Variants in CREB5 observed in about 807,000 individuals in gnomAD.
CREB5 encodes the protein cAMP responsive element binding protein 5, also known as cyclic AMP-responsive element-binding protein 5.
A neutral mutation model predicts 57.1 loss-of-function variants in CREB5; 19 were observed. The observed-to-expected ratio is 0.33, with a 90% confidence interval of 0.23 to 0.49. The LOEUF is 0.49. CREB5 is among the 20% of genes least tolerant of loss of function. The pLI, the probability that CREB5 is intolerant of heterozygous loss-of-function variation, is 0.99. For synonymous variants in CREB5, 238 were observed against 238.3 expected, an observed-to-expected ratio of 1.00 and a Z score of 0.01; for missense variants, 579 against 671.6, an observed-to-expected ratio of 0.86 and a Z score of 1.52.
At chr7:28,807,888 G>A (rs1050530826) in intron 8 of CREB5, among the ~76,000 whole-genome samples, 6 of 152,136 alleles carry the variant, frequency 3.9e-5, no homozygotes, top group African/African-American at 7.2e-5. Context: ...AAAAGAGTCA[G>A]GTGTAGAAAT....
At chr7:28,694,164 A>C (rs780908212) in intron 5 of CREB5, among the ~76,000 whole-genome samples, 9 of 152,160 alleles carry the variant, frequency 5.9e-5, no homozygotes, top group Non-Finnish European at 1.3e-4. Flanking sequence ...TTTATCTAAC[A>C]CTTCCGTCAG....
At chr7:28,603,482 A>T (rs1423250562) in intron 5 of CREB5, among the ~76,000 whole-genome samples, 1 of 152,162 alleles carries the variant, frequency 6.6e-6, no homozygotes, top group Non-Finnish European at 1.5e-5. Flanking sequence ...CCAGCTCCCC[A>T]TCACTATTCC....
intron 1 of CREB5, among the ~76,000 whole-genome samples, chr7:28,425,332 C>T (rs1788460831): frequency 6.6e-6 from 1 of 151,794 alleles, no homozygotes; most frequent in Non-Finnish European, 1.5e-5. Context: ...GAAAAGGAAT[C>T]CAGCCATAAA....
intron 5 of CREB5, among the ~76,000 whole-genome samples, chr7:28,618,500 C>G (rs953179791): frequency 7.2e-5 from 11 of 152,168 alleles, no homozygotes; most frequent in Non-Finnish European, 5.9e-5. Flanking sequence ...CCATAGGCTC[C>G]CCTGAGTAGC....
At chr7:28,661,436 CT>C (rs1799608135) in intron 5 of CREB5, among the ~76,000 whole-genome samples, 2 of 151,698 alleles carry the variant, frequency 1.3e-5, no homozygotes, top group African/African-American at 2.4e-5. Context: ...CTCCCCACCC[CT>C]CTGGCTCCCT....
In CREB5 at chr7:28,487,173, C is replaced by T. The variant is rs546447267; in HGVS notation, c.4-1002C>T. ...CTGGGATTACAGGTGTGCACCACCA[C>T]GCCCGGCTAATTTTTGTATTTTGGG... On this transcript the variant is annotated intron_variant, in intron 1 of 10. Coordinates refer to ENST00000357727, the MANE Select transcript of CREB5 (RefSeq NM_182898.4). 3.9e-5 allele frequency among the ~76,000 whole-genome samples: 6 copies of T among 152,160 alleles called. No homozygotes were observed. The East Asian group carries it at 9.7e-4, about 25-fold the overall frequency.
chr7:28,658,981 G>GTGTATATA (rs1799477666), intron 5 of CREB5, among the ~76,000 whole-genome samples: 1 of 90,090 alleles, frequency 1.1e-5, no homozygotes, highest in African/African-American at 3.8e-5. Context: ...ATATATATAT[G>GTGTATATA]TATATATAAG....
chr7:28,579,067 C>T (rs1158600905), intron 5 of CREB5, among the ~76,000 whole-genome samples: 1 of 152,182 alleles, frequency 6.6e-6, no homozygotes, highest in Non-Finnish European at 1.5e-5. Context: ...CTGACTGTAC[C>T]ATGCATGAGC....
chr7:28,317,295 G>A (rs772767845), intron 1 of CREB5, among the ~76,000 whole-genome samples: 2 of 152,196 alleles, frequency 1.3e-5, no homozygotes, highest in Non-Finnish European at 2.9e-5. Flanking sequence ...GGCACCAGCA[G>A]TGAAAACCTT....
chr7:28,487,864 C>T (rs2128593846), intron 1 of CREB5, among the ~76,000 whole-genome samples: 1 of 152,268 alleles, frequency 6.6e-6, no homozygotes, highest in Admixed American at 6.5e-5. Flanking sequence ...TGTGGTCTTT[C>T]CTGGTAGTAA....
chr7:28,578,968 T>C (rs572792288), intron 5 of CREB5, among the ~76,000 whole-genome samples: 123 of 152,304 alleles, frequency 8.1e-4, no homozygotes, highest in Middle Eastern at 6.8e-3. Context: ...TCCTTGATAT[T>C]AAGATTCTGG....
At chr7:28,380,495 T>C (rs1331418796) in intron 1 of CREB5, among the ~76,000 whole-genome samples, 1 of 152,192 alleles carries the variant, frequency 6.6e-6, no homozygotes, top group Non-Finnish European at 1.5e-5. Flanking sequence ...AATCCCACTG[T>C]GGGCATTAAA....
Position 28,439,800 on chromosome 7 carries a change from C to T in CREB5, c.3+26883C>T, listed in dbSNP as rs35944515. Among the ~76,000 whole-genome samples, 563 of 152,270 alleles carry T rather than the reference C, an allele frequency of 3.7e-3. 3 individuals carry two copies. The highest frequency in any genetic ancestry group is 0.012 in the African/African-American group (489 of 41,542). ...ATTCTCAAAGTGCTTTCTAAGGCAT[C>T]CTTGCAATAGAATTTATCAAGTTGC... On this transcript the variant is annotated intron_variant, in intron 1 of 10. Coordinates refer to ENST00000357727, the MANE Select transcript of CREB5 (RefSeq NM_182898.4).
At chr7:28,316,771 T>C (rs1403906273) in intron 1 of CREB5, among the ~76,000 whole-genome samples, 1 of 152,088 alleles carries the variant, frequency 6.6e-6, no homozygotes, top group Non-Finnish European at 1.5e-5. Context: ...GCTCTAACTG[T>C]GGTTACATTT....
chr7:28,639,968 C>T (rs939690172), intron 5 of CREB5, among the ~76,000 whole-genome samples: 4 of 152,124 alleles, frequency 2.6e-5, no homozygotes, highest in Non-Finnish European at 4.4e-5. Flanking sequence ...CAAGTACTCC[C>T]TTAGTGTATG....
rs1474827589 is a variant in CREB5 at position 28,458,268 on chromosome 7, G to A, written c.4-29907G>A. Among the ~76,000 whole-genome samples the A allele has an allele frequency of 2.0e-5, 3 of 152,158 alleles. 1 individual carries two copies. In the East Asian group the frequency reaches 5.8e-4, roughly 29 times the overall value. On this transcript the variant is annotated intron_variant, in intron 1 of 10. Coordinates refer to ENST00000357727, the MANE Select transcript of CREB5 (RefSeq NM_182898.4). ...TGTTGAATAAATGAATTGGGAGGGG[G>A]ATGATGAGAAGATATAAACTGACTA...
At chr7:28,533,076 GA>G (rs1348520486) in intron 4 of CREB5, among the ~76,000 whole-genome samples, 7 of 152,180 alleles carry the variant, frequency 4.6e-5, no homozygotes, top group Non-Finnish European at 1.0e-4. Flanking sequence ...CCATGATGGT[GA>G]AACCCTGTCT....
At chr7:28,455,701 G>T (rs1291313272) in intron 1 of CREB5, among the ~76,000 whole-genome samples, 1 of 152,090 alleles carries the variant, frequency 6.6e-6, no homozygotes, top group Admixed American at 6.6e-5. Context: ...TAAAGTAGTG[G>T]GGGGTGGGTG....
At chr7:28,382,174 A>G (rs1358193974) in intron 1 of CREB5, among the ~76,000 whole-genome samples, 1 of 152,184 alleles carries the variant, frequency 6.6e-6, no homozygotes, top group African/African-American at 2.4e-5. Context: ...GGCTCCAGGA[A>G]AGAGAATTCA....
Sources: gnomAD v4.1 joint callset for allele counts (sites outside exome capture counted in the v4.1 genomes callset) on GRCh38, gnomAD v4.1.1 for gene constraint, MANE v1.5 for transcripts, NCBI Gene and HGNC (gene_info 2026-07-23, HGNC 2026-07-21) for gene names.